ANKRD36: variants seen among roughly 807,000 people sequenced by gnomAD.
ANKRD36 encodes the protein ankyrin repeat domain-containing protein 36A.
In ANKRD36, 179 loss-of-function variants were observed where a neutral mutation model predicts 278.1. The ratio of observed to expected loss-of-function variants is 0.64; its 90% CI spans 0.57 to 0.73. The LOEUF (loss-of-function observed/expected upper bound fraction) is 0.73. Among genes scored for constraint, ANKRD36 ranks in the 30% least tolerant of loss-of-function variants. The probability of loss-of-function intolerance (pLI) is 0.00; values close to 1 mark genes in which losing one functional copy is unlikely to be tolerated. For synonymous variants in ANKRD36, 320 were observed against 641.1 expected (o/e 0.50, Z 7.57); for missense variants, 1,159 against 1,956.7 (o/e 0.59, Z 7.69).
chr2:97,225,895 G>A (rs1327048551), intron 67 of ANKRD36, among the ~76,000 whole-genome samples: 156 of 151,422 alleles, frequency 1.0e-3, no homozygotes, highest in Non-Finnish European at 9.6e-4. Flanking sequence ...TTGTCCTTGC[G>A]ATAGTTTACT....
rs760034368 is a variant in ANKRD36, at chr2:97,185,325, A to G, written c.1949A>G (p.Gln650Arg). The G allele has an allele frequency of 6.2e-5, 100 of 1,607,466 alleles. No homozygotes were observed. The highest frequency in any genetic ancestry group is 7.9e-5 in the Non-Finnish European group (93 of 1,175,036). ...CCCTTTTGCTTTTCAGTGTCTTCTCAGAAACAACCAGCCTCAAAGGTAATT... is the reference window on the plus strand; with the variant it reads ...CCCTTTTGCTTTTCAGTGTCTTCTCGGAAACAACCAGCCTCAAAGGTAATT... ...GGGKSGTVSSQKQPASKATSD... is the reference protein window; with the variant it reads ...GGGKSGTVSSRKQPASKATSD... Residue 650 changes from glutamine to arginine, a missense_variant, in exon 29 of 76, where the codon CAG becomes CGG. By Grantham distance (43) the Gln-to-Arg change is conservative. Coordinates refer to ENST00000420699, the MANE Select transcript of ANKRD36 (RefSeq NM_001354587.1).
At chr2:97,260,379 T>TATATATATAC (rs1315601255) in intron 75 of ANKRD36, among the ~76,000 whole-genome samples, 366 of 120,850 alleles carry the variant, frequency 3.0e-3, no homozygotes, top group African/African-American at 0.011. Flanking sequence ...TATATATATA[T>TATATATATAC]ACACACATAT....
intron 67 of ANKRD36, among the ~76,000 whole-genome samples, chr2:97,231,259 G>A (rs1167346042): frequency 1.3e-5 from 2 of 152,156 alleles, no homozygotes. Flanking sequence ...AGCCTACAGA[G>A]GCAGGCAGGC....
Position 97,206,113 on chromosome 2 carries a change from G to A in ANKRD36, c.3141G>A (p.Lys1047=). The A allele has an allele frequency of 6.5e-7, 1 of 1,544,422 alleles. No individual in the cohort carries two copies. The highest frequency in any genetic ancestry group is 8.7e-7 in the Non-Finnish European group (1 of 1,147,138). ...DSVLSIAREN[K]DGEKSRTVSS... ...TTTTGAGTATAGCCAGAGAAAACAA[G>A]GATGGAGAAAAATCTAGGACAGGTA... Residue 1047 remains lysine (K), a synonymous_variant, in exon 52 of 76, where the codon AAG becomes AAA. Transcript: ENST00000420699.
At position 97,155,707 on chromosome 2, in the gene ANKRD36, A is replaced by G. The variant is rs2047268841; in HGVS notation, c.1260+966A>G. On this transcript the variant is annotated intron_variant, in intron 15 of 75. Transcript: ENST00000420699. ...ACTCAGGGTCTTTGTATCTCATTCT[A>G]AATTTCAAATTTCAGAGGCTTTTGT... Among the ~76,000 whole-genome samples the G allele has an allele frequency of 1.4e-5, 2 of 146,400 alleles. 1 individual carries two copies. Among genetic ancestry groups the G allele is most frequent in the Non-Finnish European group, 3.1e-5 (2 of 64,862 alleles).
chr2:97,199,666 C>G (rs1291620555), intron 44 of ANKRD36, among the ~76,000 whole-genome samples: 1 of 151,870 alleles, frequency 6.6e-6, no homozygotes, highest in Non-Finnish European at 1.5e-5. Flanking sequence ...ATATATTATC[C>G]TTCGGTGCCA....
intron 50 of ANKRD36, among the ~76,000 whole-genome samples, chr2:97,205,048 TG>T (rs1372399372): frequency 6.6e-6 from 1 of 151,420 alleles, no homozygotes; most frequent in African/African-American, 2.4e-5. Flanking sequence ...AGCTGTTTAA[TG>T]AAACTTCTTT....
chr2:97,118,279 A>G, intron 2 of ANKRD36, 65 bp from the exon 3 acceptor site: 1 of 1,609,802 alleles, frequency 6.2e-7, no homozygotes, highest in Non-Finnish European at 8.5e-7. Context: ...AACTAGTAGG[A>G]AATCCTACGG....
chr2:97,222,889 CA>C (rs1198915678), intron 66 of ANKRD36, among the ~76,000 whole-genome samples: 1 of 151,962 alleles, frequency 6.6e-6, no homozygotes, highest in Non-Finnish European at 1.5e-5. Context: ...ATCACAGTTC[CA>C]TGAAAGTGCC....
intron 54 of ANKRD36, among the ~76,000 whole-genome samples, chr2:97,208,435 G>A (rs2063468726): frequency 6.8e-6 from 1 of 146,548 alleles, no homozygotes; most frequent in African/African-American, 2.7e-5. Context: ...GACCCCTGGT[G>A]TAGCAACAGT....
In ANKRD36 at chr2:97,181,811, A is replaced by G. The variant is rs1253807332; in HGVS notation, c.1837+18A>G. ...TGGGACAGGTAATTTTGCAAAACACATTTAATGTCATGTTCAGTCAAGATA... is the reference window on the plus strand; with the variant it reads ...TGGGACAGGTAATTTTGCAAAACACGTTTAATGTCATGTTCAGTCAAGATA... On this transcript the variant is annotated intron_variant, in intron 26 of 75. Coordinates refer to ENST00000420699, the MANE Select transcript of ANKRD36 (RefSeq NM_001354587.1). The G allele has an allele frequency of 1.2e-6, 2 of 1,603,100 alleles. No homozygotes were observed. The highest frequency in any genetic ancestry group is 2.7e-5 in the African/African-American group (2 of 74,590).
At chr2:97,199,700 A>G (rs1356726249) in intron 44 of ANKRD36, among the ~76,000 whole-genome samples, 1 of 151,896 alleles carries the variant, frequency 6.6e-6, no homozygotes, top group Admixed American at 6.6e-5. Context: ...AAACTTTCGG[A>G]AGGGTAAACT....
chr2:97,192,491 T>C (rs559202088), intron 36 of ANKRD36, among the ~76,000 whole-genome samples: 5 of 151,828 alleles, frequency 3.3e-5, no homozygotes, highest in African/African-American at 4.8e-5. Flanking sequence ...ATGAAAGACA[T>C]GTGGGATCAT....
At chr2:97,178,137 C>T (rs1247018047) in intron 22 of ANKRD36, among the ~76,000 whole-genome samples, 1 of 150,860 alleles carries the variant, frequency 6.6e-6, no homozygotes, top group Middle Eastern at 3.2e-3. Flanking sequence ...GATACCATCT[C>T]ACACCAGTTA....
intron 11 of ANKRD36, 85 bp from the exon 12 acceptor site, chr2:97,149,210 T>C (rs562755791): frequency 3.1e-6 from 3 of 971,050 alleles, no homozygotes; most frequent in South Asian, 1.5e-5. Context: ...TTTTTTGGAG[T>C]GGACATACGT....
At chr2:97,124,627 C>T (rs1453734938) in intron 5 of ANKRD36, 30 bp downstream of exon 5, 9 of 1,533,574 alleles carry the variant, frequency 5.9e-6, no homozygotes, top group Non-Finnish European at 6.1e-6. Flanking sequence ...GGCTAGTGAA[C>T]ACTAAATTGA....
chr2:97,226,938 A>T (rs1454069866), intron 67 of ANKRD36, among the ~76,000 whole-genome samples: 1 of 151,932 alleles, frequency 6.6e-6, no homozygotes, highest in Admixed American at 6.6e-5. Context: ...ATAGTTGTAG[A>T]TATGCGGCGT....
intron 50 of ANKRD36, among the ~76,000 whole-genome samples, chr2:97,205,202 C>A (rs1252896279): frequency 1.3e-5 from 2 of 151,616 alleles, no homozygotes; most frequent in African/African-American, 4.8e-5. Flanking sequence ...ATGGTTGTGG[C>A]AGTTTTACTT....
intron 22 of ANKRD36, among the ~76,000 whole-genome samples, chr2:97,172,068 G>A (rs199667638): frequency 4.6e-5 from 6 of 129,698 alleles, no homozygotes; most frequent in South Asian, 5.2e-4. Flanking sequence ...GAGCTGTTAC[G>A]GTTTTGGGTT....
Sources: allele counts gnomAD v4.1 joint callset (sites outside exome capture counted in the v4.1 genomes callset), GRCh38; gene constraint gnomAD v4.1.1; transcripts MANE v1.5; gene names NCBI Gene and HGNC (gene_info 2026-07-23, HGNC 2026-07-21).